Variants in EPHB1 observed in about 807,000 individuals in gnomAD.
The protein encoded by EPHB1 is EPH receptor B1.
EPHB1 carries 30 observed loss-of-function variants against 94.4 expected under a neutral mutation model. That is an observed-to-expected ratio of 0.32 (90% CI 0.24 to 0.43). EPHB1 has a LOEUF of 0.43. Ranked by LOEUF, EPHB1 falls within the 20% of genes least tolerant of loss-of-function variation. The probability of loss-of-function intolerance (pLI) is 1.00; values close to 1 mark genes in which losing one functional copy is unlikely to be tolerated. For missense variants in EPHB1, 1,055 were observed against 1,308.3 expected (o/e 0.81, Z 2.99); for synonymous variants, 522 against 489.1 (o/e 1.07, Z -0.89).
At chr3:135,241,709 A>G (rs1943788363) in intron 13 of EPHB1, among the ~76,000 whole-genome samples, 1 of 152,216 alleles carries the variant, frequency 6.6e-6, no homozygotes, top group Non-Finnish European at 1.5e-5. Context: ...CTGGGTTCCC[A>G]TCCTGCTCTG....
chr3:134,951,947 G>T lies in EPHB1; in HGVS notation c.700G>T (p.Val234Leu). 6.2e-7 allele frequency: 1 copy of T among 1,614,024 alleles called. No individual in the cohort carries two copies. Among genetic ancestry groups the T allele is most frequent in the South Asian group, 1.1e-5 (1 of 91,088 alleles). The part of the protein sequence containing the change: ...TCIPNAEEVD[V>L]PIKLYCNGDG... ...CATCCCCAACGCAGAGGAAGTGGAC[G>T]TGCCCATCAAACTCTACTGCAACGG... The change falls in exon 3 of 16, where the codon GTG becomes TTG. Residue 234 changes from valine (V) to leucine (L), a missense_variant. By Grantham distance (32) the Val-to-Leu change is conservative (BLOSUM62 1). Coordinates refer to ENST00000398015, the MANE Select transcript of EPHB1 (RefSeq NM_004441.5). The surrounding 1 kb of genome is among the most constrained non-coding windows in gnomAD (Gnocchi z 4.5).
At chr3:135,099,035 AAAAG>A (rs1473791162) in intron 3 of EPHB1, among the ~76,000 whole-genome samples, 2 of 150,652 alleles carry the variant, frequency 1.3e-5, no homozygotes, top group South Asian at 2.1e-4. Flanking sequence ...AAAAAAAAAA[AAAAG>A]GGAATCCACA....
chr3:134,887,588 C>A (rs2037885574), intron 1 of EPHB1, among the ~76,000 whole-genome samples: 1 of 152,158 alleles, frequency 6.6e-6, no homozygotes, highest in Non-Finnish European at 1.5e-5. Context: ...CCATTTATAT[C>A]TTTTGATACT....
chr3:135,249,626 G>A (rs1420103317), intron 15 of EPHB1, 135 bp downstream of exon 15: 4 of 943,604 alleles, frequency 4.2e-6, no homozygotes, highest in Non-Finnish European at 6.1e-6. Context: ...GCCTGGATGG[G>A]GAGCACCTTG....
intron 1 of EPHB1, among the ~76,000 whole-genome samples, chr3:134,863,994 A>C (rs1298922131): frequency 1.3e-5 from 2 of 152,170 alleles, no homozygotes; most frequent in Non-Finnish European, 2.9e-5. Context: ...TGGGAAATCT[A>C]CAGCATACCC....
At chr3:134,904,197 G>C (rs1322197311) in intron 1 of EPHB1, among the ~76,000 whole-genome samples, 6 of 152,226 alleles carry the variant, frequency 3.9e-5, no homozygotes, top group Non-Finnish European at 7.3e-5. Context: ...CCTCCTCTGA[G>C]TGAACATTTC....
intron 3 of EPHB1, among the ~76,000 whole-genome samples, chr3:135,086,896 G>A (rs968810017): frequency 3.3e-5 from 5 of 152,208 alleles, no homozygotes; most frequent in African/African-American, 1.2e-4. Context: ...GTATAGTCAA[G>A]TGGTTGGAGC....
intron 1 of EPHB1, among the ~76,000 whole-genome samples, chr3:134,902,098 G>C (rs1181459717): frequency 6.6e-6 from 1 of 152,204 alleles, no homozygotes; most frequent in Non-Finnish European, 1.5e-5. Flanking sequence ...ATAGAAGTCC[G>C]ACCTGTCTGT....
intron 1 of EPHB1, among the ~76,000 whole-genome samples, chr3:134,808,667 G>T (rs2036113879): frequency 6.6e-6 from 1 of 152,198 alleles, no homozygotes; most frequent in South Asian, 2.1e-4. Context: ...AAAAGATGGG[G>T]AAACAGAAAG....
At chr3:134,870,086 T>A (rs1387304717) in intron 1 of EPHB1, among the ~76,000 whole-genome samples, 1 of 152,166 alleles carries the variant, frequency 6.6e-6, no homozygotes, top group Non-Finnish European at 1.5e-5. Context: ...TTATTAGTGC[T>A]TGGGTTTCTT....
chr3:135,144,163 G>A (rs1412981165), intron 5 of EPHB1, among the ~76,000 whole-genome samples: 3 of 152,188 alleles, frequency 2.0e-5, no homozygotes. Context: ...CTGATCTCAG[G>A]GAAAGGAGGC....
intron 12 of EPHB1, among the ~76,000 whole-genome samples, chr3:135,230,530 C>A (rs187948774): frequency 1.2e-4 from 18 of 152,238 alleles, no homozygotes; most frequent in African/African-American, 4.3e-4. Flanking sequence ...AGAGAACACA[C>A]CTGCACCATT....
At position 134,994,880 on chromosome 3, in the gene EPHB1, T is replaced by C. The variant is rs142264724; in HGVS notation, c.805+42828T>C. On this transcript the variant is annotated intron_variant, in intron 3 of 15. Transcript: ENST00000398015. ...ACCCATTTACCCTTCATCCAGTTTA[T>C]GCTAATGGTAACACCTCATGTAACT... 6.9e-3 allele frequency among the ~76,000 whole-genome samples: 1,048 copies of C among 152,368 alleles called. 13 individuals are homozygous for C. The highest frequency in any genetic ancestry group is 0.024 in the African/African-American group (994 of 41,586).
intron 3 of EPHB1, among the ~76,000 whole-genome samples, chr3:135,015,988 A>C (rs1935785159): frequency 6.6e-6 from 1 of 152,192 alleles, no homozygotes; most frequent in Non-Finnish European, 1.5e-5. Flanking sequence ...AGAGTGGTTG[A>C]GATGAGGTCT....
chr3:134,969,002 G>A (rs969021654), intron 3 of EPHB1, among the ~76,000 whole-genome samples: 1 of 152,158 alleles, frequency 6.6e-6, no homozygotes, highest in African/African-American at 2.4e-5. Context: ...ATTATAAATA[G>A]AGGACATACA....
intron 3 of EPHB1, among the ~76,000 whole-genome samples, chr3:135,041,502 G>A (rs187982577): frequency 8.5e-4 from 129 of 152,248 alleles, no homozygotes; most frequent in African/African-American, 3.0e-3. Flanking sequence ...TGACAGCCCT[G>A]AGCAGGTTCA....
intron 3 of EPHB1, among the ~76,000 whole-genome samples, chr3:134,991,548 C>T (rs1371611634): frequency 6.6e-6 from 1 of 152,112 alleles, no homozygotes; most frequent in African/African-American, 2.4e-5. Context: ...TGCTCCTTTC[C>T]AGCCCTCCAG....
At chr3:135,038,326 A>G (rs1936713161) in intron 3 of EPHB1, among the ~76,000 whole-genome samples, 1 of 152,172 alleles carries the variant, frequency 6.6e-6, no homozygotes, top group Non-Finnish European at 1.5e-5. Context: ...CAAAAGTAAC[A>G]CTTTACCCGT....
At chr3:135,120,193 A>G (rs181377323) in intron 4 of EPHB1, among the ~76,000 whole-genome samples, 9 of 152,292 alleles carry the variant, frequency 5.9e-5, no homozygotes, top group South Asian at 2.1e-4. Context: ...GGATATATAG[A>G]TTACTTTGGG....
Sources: allele counts gnomAD v4.1 joint callset (sites outside exome capture counted in the v4.1 genomes callset), GRCh38; gene constraint gnomAD v4.1.1; non-coding constraint Gnocchi (gnomAD v3.1); transcripts MANE v1.5; gene names NCBI Gene and HGNC (gene_info 2026-07-23, HGNC 2026-07-21).